Variants in EFCAB8 observed in about 807,000 individuals in gnomAD.
EFCAB8 encodes the protein EF-hand calcium binding domain 8.
In EFCAB8, 100 loss-of-function variants were observed where a neutral mutation model predicts 116.3. That is an observed-to-expected ratio of 0.86 (90% CI 0.73 to 1.02). The LOEUF is 1.02. Ranked by LOEUF, EFCAB8 falls within the 50% of genes least tolerant of loss-of-function variation. The pLI, the probability that EFCAB8 is intolerant of heterozygous loss-of-function variation, is 0.00. For missense variants in EFCAB8, 1,320 were observed against 1,416.9 expected (o/e 0.93, Z 1.10); for synonymous variants, 558 against 567.9 (o/e 0.98, Z 0.25).
At chr20:32,878,432 G>A (rs1985106238) in intron 4 of EFCAB8, among the ~76,000 whole-genome samples, 1 of 151,868 alleles carries the variant, frequency 6.6e-6, no homozygotes, top group African/African-American at 2.4e-5. Context: ...TACTTGGGAA[G>A]CAGCCACCAG....
chr20:32,926,520 T>TTTA (rs1555864850), intron 20 of EFCAB8, among the ~76,000 whole-genome samples: 80 of 149,406 alleles, frequency 5.4e-4, no homozygotes, highest in African/African-American at 1.1e-3. Context: ...TCTTTTTTTT[T>TTTA]TTATTATACT....
intron 2 of EFCAB8, among the ~76,000 whole-genome samples, chr20:32,864,141 T>C (rs1395748844): frequency 6.6e-6 from 1 of 151,980 alleles, no homozygotes; most frequent in African/African-American, 2.4e-5. Flanking sequence ...CATGCCCAGC[T>C]AATTTTTATA....
intron 7 of EFCAB8, among the ~76,000 whole-genome samples, chr20:32,890,645 A>T (rs1191501961): frequency 1.3e-5 from 2 of 152,198 alleles, no homozygotes; most frequent in Non-Finnish European, 2.9e-5. Context: ...TTAGTACATG[A>T]AATGACAGCT....
At position 32,898,392 on chromosome 20, in the gene EFCAB8, C is replaced by A. The variant is rs1600398331; in HGVS notation, c.958-101C>A. On this transcript the variant is annotated intron_variant, in intron 10 of 26. Transcript: ENST00000400522. ...GGAGAAGGGCATTAGACTCCGTGAT[C>A]TCTGGGCACCTCCAGTCCCAGCACC... 3.4e-5 allele frequency: 22 copies of A among 643,338 alleles called. No individual in the cohort carries two copies. The East Asian group carries it at 5.2e-4, about 15-fold the overall frequency. 39.9% of individuals were successfully genotyped at this position (643,338 alleles called of 1,614,324 possible).
chr20:32,955,921 C>T (rs1463180642), intron 23 of EFCAB8, among the ~76,000 whole-genome samples: 2 of 151,990 alleles, frequency 1.3e-5, no homozygotes. Context: ...TTTTTTTCAT[C>T]CTGTCTGACA....
chr20:32,883,696 CTT>C (rs1045086393), intron 5 of EFCAB8, among the ~76,000 whole-genome samples: 1 of 146,306 alleles, frequency 6.8e-6, no homozygotes. Context: ...TGGTCTATTT[CTT>C]TTTTTTTTTG....
At chr20:32,863,416 C>T (rs1600352956) in intron 1 of EFCAB8, among the ~76,000 whole-genome samples, 1 of 152,226 alleles carries the variant, frequency 6.6e-6, no homozygotes, top group East Asian at 1.9e-4. Flanking sequence ...GTTTATTGTA[C>T]TTGGACTACC....
intron 10 of EFCAB8, 71 bp from the exon 11 acceptor site, chr20:32,898,422 C>T: frequency 1.5e-6 from 1 of 682,938 alleles, no homozygotes; most frequent in East Asian, 2.7e-5. Context: ...AGCACCTGGT[C>T]ATGTTCTGGG....
chr20:32,867,979 T>C (rs1364292889), intron 3 of EFCAB8, among the ~76,000 whole-genome samples: 1 of 152,028 alleles, frequency 6.6e-6, no homozygotes, highest in African/African-American at 2.4e-5. Flanking sequence ...TGGGACTACA[T>C]GCACATACCA....
chr20:32,908,993 G>A (rs1019431227), intron 14 of EFCAB8, among the ~76,000 whole-genome samples: 4 of 152,196 alleles, frequency 2.6e-5, no homozygotes, highest in Non-Finnish European at 5.9e-5. Context: ...GTGGAGGATG[G>A]GGGTAAGGGG....
intron 5 of EFCAB8, among the ~76,000 whole-genome samples, chr20:32,882,026 T>C (rs1342581506): frequency 6.6e-6 from 1 of 152,128 alleles, no homozygotes; most frequent in Non-Finnish European, 1.5e-5. Flanking sequence ...GGTGAAACCC[T>C]GTCTCTACTA....
At chr20:32,896,781 G>T (rs1986184390) in intron 10 of EFCAB8, among the ~76,000 whole-genome samples, 1 of 152,182 alleles carries the variant, frequency 6.6e-6, no homozygotes, top group African/African-American at 2.4e-5. Flanking sequence ...CTCCTGGATG[G>T]CTGCAGTGGC....
chr20:32,932,194 C>T (rs761302859), intron 22 of EFCAB8, among the ~76,000 whole-genome samples: 17 of 152,142 alleles, frequency 1.1e-4, no homozygotes, highest in Admixed American at 5.2e-4. Flanking sequence ...GCCTGGCCAA[C>T]CTGGTGAAAC....
At position 32,876,422 on chromosome 20, in the gene EFCAB8, GTTACA is replaced by G. The variant is rs146655712; in HGVS notation, c.327+380_327+384del. Among the ~76,000 whole-genome samples, 724 of 152,330 alleles carry G rather than the reference GTTACA, an allele frequency of 4.8e-3. 6 individuals are homozygous for G. Among genetic ancestry groups the G allele is most frequent in the African/African-American group, 0.017 (700 of 41,578 alleles). ...CTCAGGAATAGGCCAGCCTGTGGCT[GTTACA>G]TCTAAAAGTGTCAGGCTTTTACAGC... On this transcript the variant is annotated intron_variant, in intron 4 of 26. Coordinates refer to ENST00000400522, the MANE Select transcript of EFCAB8 (RefSeq NM_001143967.2).
At position 32,918,532 on chromosome 20, in the gene EFCAB8, G is replaced by A. The variant is rs1007650563; in HGVS notation, c.2232G>A (p.Arg744=). ...RSLVSAPPVM[R]CPRDKEPDRP... ...TGGTGTCGGCTCCCCCAGTGATGCG[G>A]TGCCCGAGAGACAAGGAGCCAGACA... The change falls in exon 19 of 27, where the codon CGG becomes CGA. Residue 744 remains arginine (R), a synonymous_variant. Transcript: ENST00000400522. 1 of 1,551,556 alleles carries A rather than the reference G, an allele frequency of 6.4e-7. No homozygotes were observed. The highest frequency in any genetic ancestry group is 1.4e-5 in the African/African-American group (1 of 73,044).
At chr20:32,861,726 C>A (rs34805035) in intron 1 of EFCAB8, among the ~76,000 whole-genome samples, 2 of 152,132 alleles carry the variant, frequency 1.3e-5, no homozygotes, top group Admixed American at 1.3e-4. Context: ...TTGCAAGACC[C>A]CATCTCAAAA....
chr20:32,924,783 C>T (rs1051401937), intron 20 of EFCAB8, among the ~76,000 whole-genome samples: 3 of 152,114 alleles, frequency 2.0e-5, no homozygotes, highest in African/African-American at 4.8e-5. Context: ...GATTGAATGT[C>T]TATTGGTGAG....
intron 22 of EFCAB8, among the ~76,000 whole-genome samples, chr20:32,938,568 T>C (rs1360181018): frequency 2.7e-5 from 4 of 149,690 alleles, no homozygotes; most frequent in Non-Finnish European, 4.5e-5. Context: ...TTAAAAACTA[T>C]TAAAACTAAT....
chr20:32,906,771 G>T (rs571795220), intron 12 of EFCAB8, 72 bp from the exon 13 acceptor site: 1 of 797,914 alleles, frequency 1.3e-6, no homozygotes, highest in African/African-American at 1.7e-5. Context: ...CCACTTCTGG[G>T]CACCACCTTC....
Sources: allele counts gnomAD v4.1 joint callset (sites outside exome capture counted in the v4.1 genomes callset), GRCh38; gene constraint gnomAD v4.1.1; transcripts MANE v1.5; gene names NCBI Gene and HGNC (gene_info 2026-07-23, HGNC 2026-07-21).